Variants in PRR16 observed in about 807,000 individuals in gnomAD.
PRR16 encodes protein Largen.
A neutral mutation model predicts 18.2 loss-of-function variants in PRR16; 6 were observed. That is an observed-to-expected ratio of 0.33 (90% CI 0.18 to 0.65). PRR16 has a LOEUF of 0.65. Ranked by LOEUF, PRR16 falls within the 30% of genes least tolerant of loss-of-function variation. PRR16 has a pLI of 0.74. For missense variants in PRR16, 412 were observed against 376.6 expected, an observed-to-expected ratio of 1.09 and a Z score of -0.78; for synonymous variants, 151 against 147.8, an observed-to-expected ratio of 1.02 and a Z score of -0.16.
At chr5:120,564,627 G>A (rs1379033907) in intron 1 of PRR16, among the ~76,000 whole-genome samples, 3 of 152,152 alleles carry the variant, frequency 2.0e-5, no homozygotes, top group Non-Finnish European at 2.9e-5. Flanking sequence ...GCCACTATTG[G>A]GGGGTGGAAA....
intron 1 of PRR16, among the ~76,000 whole-genome samples, chr5:120,646,922 T>C (rs537895116): frequency 6.6e-6 from 1 of 152,088 alleles, no homozygotes; most frequent in Non-Finnish European, 1.5e-5. Flanking sequence ...TGGATTTTTT[T>C]CCAGGAATCA....
At chr5:120,678,750 C>T (rs896231705) in intron 1 of PRR16, among the ~76,000 whole-genome samples, 2 of 152,074 alleles carry the variant, frequency 1.3e-5, no homozygotes, top group Non-Finnish European at 2.9e-5. Context: ...AATTTAACTT[C>T]TTATTTTCCA....
chr5:120,496,762 C>G (rs1044679351), intron 1 of PRR16, among the ~76,000 whole-genome samples: 8 of 151,420 alleles, frequency 5.3e-5, no homozygotes, highest in Non-Finnish European at 1.2e-4. Context: ...GTTTATTTTT[C>G]TCTTCCTAGG....
intron 1 of PRR16, among the ~76,000 whole-genome samples, chr5:120,630,285 A>G (rs1425162213): frequency 6.6e-6 from 1 of 151,832 alleles, no homozygotes; most frequent in Non-Finnish European, 1.5e-5. Context: ...ATACTACTTC[A>G]CAGATTGTCT....
intron 1 of PRR16, among the ~76,000 whole-genome samples, chr5:120,571,661 G>C (rs1408880242): frequency 6.6e-6 from 1 of 152,158 alleles, no homozygotes; most frequent in Non-Finnish European, 1.5e-5. Flanking sequence ...TTATCTAAGA[G>C]AGGCATGCAG....
intron 1 of PRR16, among the ~76,000 whole-genome samples, chr5:120,594,951 T>C (rs10053278): frequency 0.44 from 67,033 of 151,800 alleles, 15,566 homozygotes; most frequent in East Asian, 0.83. Context: ...TATACAAAAA[T>C]CAACCAAAAA....
chr5:120,550,065 A>G lies in PRR16; in HGVS notation c.159+85420A>G, dbSNP rs527513698. ...AACTGAATGACAAGAGGAGATTAGTATATGCTAAACAGAGAAAATGTGATT... is the reference window on the plus strand; with the variant it reads ...AACTGAATGACAAGAGGAGATTAGTGTATGCTAAACAGAGAAAATGTGATT... On this transcript the variant is annotated intron_variant, in intron 1 of 1. Coordinates refer to ENST00000407149, the MANE Select transcript of PRR16 (RefSeq NM_001300783.2). Among the ~76,000 whole-genome samples, 136 of 152,170 alleles carry G rather than the reference A, an allele frequency of 8.9e-4. 2 individuals are homozygous for G. Among genetic ancestry groups the G allele is most frequent in the Middle Eastern group, 3.4e-3 (1 of 294 alleles).
intron 1 of PRR16, among the ~76,000 whole-genome samples, chr5:120,585,776 A>G (rs1458120019): frequency 6.6e-6 from 1 of 152,064 alleles, no homozygotes; most frequent in African/African-American, 2.4e-5. Flanking sequence ...AGCTGAACGT[A>G]TGTGTTTCAG....
At chr5:120,487,203 T>G (rs1485305538) in intron 1 of PRR16, among the ~76,000 whole-genome samples, 1 of 152,244 alleles carries the variant, frequency 6.6e-6, no homozygotes, top group African/African-American at 2.4e-5. Flanking sequence ...GGTAGCTTGA[T>G]AGGGATGGCA....
intron 1 of PRR16, among the ~76,000 whole-genome samples, chr5:120,542,339 C>T (rs1325911431): frequency 6.6e-6 from 1 of 152,052 alleles, no homozygotes; most frequent in Admixed American, 6.6e-5. Flanking sequence ...AATATTCCTT[C>T]TATTTTGGAA....
the PRR16 span, among the ~76,000 whole-genome samples, chr5:120,764,116 GAA>G: frequency 2.0e-5 from 3 of 152,060 alleles, no homozygotes; most frequent in African/African-American, 7.2e-5. Flanking sequence ...AGTGGTGAAA[GAA>G]GACATATTTG....
intron 1 of PRR16, among the ~76,000 whole-genome samples, chr5:120,573,596 C>A (rs1448704516): frequency 1.3e-5 from 2 of 152,032 alleles, no homozygotes; most frequent in Non-Finnish European, 2.9e-5. Context: ...TTATAGGATA[C>A]CTGAGTTACA....
chr5:120,465,875 T>G (rs1431107297), intron 1 of PRR16, among the ~76,000 whole-genome samples: 1 of 152,156 alleles, frequency 6.6e-6, no homozygotes, highest in Non-Finnish European at 1.5e-5. Flanking sequence ...ATGACTGGCC[T>G]CTAGAGATTA....
At chr5:120,775,926 G>T in the PRR16 span, among the ~76,000 whole-genome samples, 1 of 151,554 alleles carries the variant, frequency 6.6e-6, no homozygotes, top group African/African-American at 2.4e-5. Flanking sequence ...GAGATTACAG[G>T]TGTGAGCCAC....
intron 1 of PRR16, among the ~76,000 whole-genome samples, chr5:120,540,244 G>C (rs1455857225): frequency 6.6e-6 from 1 of 152,118 alleles, no homozygotes; most frequent in Non-Finnish European, 1.5e-5. Flanking sequence ...ATTCTCAGCA[G>C]GGCAATTGCA....
At chr5:120,572,821 T>C (rs1752949802) in intron 1 of PRR16, among the ~76,000 whole-genome samples, 1 of 152,112 alleles carries the variant, frequency 6.6e-6, no homozygotes, top group Non-Finnish European at 1.5e-5. Flanking sequence ...TATTTGAAGA[T>C]GTAGGGAATG....
At chr5:120,576,811 A>C (rs138758991) in intron 1 of PRR16, among the ~76,000 whole-genome samples, 1 of 152,118 alleles carries the variant, frequency 6.6e-6, no homozygotes, top group East Asian at 1.9e-4. Context: ...CTGGAACTCT[A>C]CCATTGGCTC....
intron 1 of PRR16, among the ~76,000 whole-genome samples, chr5:120,648,162 A>G (rs1755658149): frequency 6.6e-6 from 1 of 152,130 alleles, no homozygotes; most frequent in Non-Finnish European, 1.5e-5. Flanking sequence ...TATACGTTGT[A>G]GTCACTAGAT....
chr5:120,627,412 TC>T (rs930436132), intron 1 of PRR16, among the ~76,000 whole-genome samples: 3 of 152,084 alleles, frequency 2.0e-5, no homozygotes, highest in African/African-American at 7.2e-5. Flanking sequence ...ATTTTAAGAT[TC>T]TTTTGGCAGC....
Sources: gnomAD v4.1 joint callset for allele counts (sites outside exome capture counted in the v4.1 genomes callset) on GRCh38, gnomAD v4.1.1 for gene constraint, MANE v1.5 for transcripts, NCBI Gene and HGNC (gene_info 2026-07-23, HGNC 2026-07-21) for gene names.